The following PPP1R11 variants were observed in gnomAD, a reference collection of about 807,000 sequenced individuals.
PPP1R11 encodes the protein protein phosphatase 1 regulatory inhibitor subunit 11.
Under a neutral mutation model 11.3 loss-of-function variants are expected in PPP1R11, and 10 were observed. That is an observed-to-expected ratio of 0.88 (90% CI 0.55 to 1.50). The LOEUF (loss-of-function observed/expected upper bound fraction) is 1.50, where lower values mean the gene tolerates loss of function less well. PPP1R11 is among the 40% of genes most tolerant of loss of function. The pLI, the probability that PPP1R11 is intolerant of heterozygous loss-of-function variation, is 0.00. For missense variants in PPP1R11, 114 were observed against 179.1 expected (o/e 0.64, Z 2.07); for synonymous variants, 56 against 62.3 (o/e 0.90, Z 0.48).
upstream of PPP1R11, chr6:30,062,000 G>C (rs1246582804): frequency 6.2e-7 from 1 of 1,613,080 alleles, no homozygotes. The surrounding 1 kb of genome is among the most constrained non-coding windows in gnomAD (Gnocchi z 5.0). Context: ...GGAAGGGCCT[G>C]AGTGCCAGGG....
chr6:30,069,662 C>T lies in PPP1R11; in HGVS notation c.*356C>T, dbSNP rs1765785544. On this transcript the variant is annotated 3_prime_UTR_variant, in exon 3 of 3. Transcript: ENST00000376772. This position sits in a 1 kb window ranked among gnomAD's most constrained non-coding sequence, Gnocchi z 6.6. ...ACTTAAATTGGGTTTTCAACAGTCC[C>T]AGCTTTCACTGCCAGGGTCCCAGTC... 3.6e-6 allele frequency: 1 copy of T among 277,354 alleles called. No individual in the cohort carries two copies. Among genetic ancestry groups the T allele is most frequent in the Admixed American group, 5.3e-5 (1 of 18,956 alleles). 17.2% of individuals were successfully genotyped at this position (277,354 alleles called of 1,614,324 possible). A position where few individuals can be genotyped will look rare whatever the true frequency, so the allele number is the denominator to read the frequency against.
At chr6:30,061,792 C>T, upstream of PPP1R11, 1 of 1,558,788 alleles carries the variant, frequency 6.4e-7, no homozygotes, top group South Asian at 1.2e-5. This position sits in a 1 kb window ranked among gnomAD's most constrained non-coding sequence, Gnocchi z 5.0. Flanking sequence ...TACATTTGGT[C>T]TAGCGATGAA....
upstream of PPP1R11, among the ~76,000 whole-genome samples, chr6:30,066,086 C>G (rs187629177): frequency 1.9e-3 from 283 of 152,290 alleles, 5 homozygotes; most frequent in Non-Finnish European, 3.4e-4. Context: ...TTGAACTGTT[C>G]TGGCAGTTGA....
At chr6:30,062,025 A>C, upstream of PPP1R11, 1 of 1,611,574 alleles carries the variant, frequency 6.2e-7, no homozygotes, top group Non-Finnish European at 8.5e-7. Flanking sequence ...GTGGTAAGCT[A>C]ATGAGATCAA....
chr6:30,068,373 C>T, intron 1 of PPP1R11: 1 of 433,356 alleles, frequency 2.3e-6, no homozygotes. Context: ...TGTGTCTTCT[C>T]TTATACTGGT....
upstream of PPP1R11, chr6:30,064,559 C>T (rs1765358722): frequency 1.2e-5 from 11 of 898,880 alleles, no homozygotes; most frequent in Non-Finnish European, 1.8e-5. Context: ...GGAGCCAGTC[C>T]TCAATGATGT....
chr6:30,061,529 C>G, the PPP1R11 span: 1 of 1,613,056 alleles, frequency 6.2e-7, no homozygotes, highest in Non-Finnish European at 8.5e-7. The surrounding 1 kb of genome is among the most constrained non-coding windows in gnomAD (Gnocchi z 5.0). Context: ...GACCGCATGT[C>G]TGTCATGGAC....
upstream of PPP1R11, among the ~76,000 whole-genome samples, chr6:30,063,568 T>C (rs1150739): frequency 0.42 from 63,332 of 151,574 alleles, 13,270 homozygotes; most frequent in South Asian, 0.49. This position sits in a 1 kb window ranked among gnomAD's most constrained non-coding sequence, Gnocchi z 4.1. Flanking sequence ...TTCTATGTCT[T>C]ATAATTCTGA....
upstream of PPP1R11, chr6:30,067,116 G>A (rs1765595221): frequency 3.4e-5 from 14 of 409,724 alleles, no homozygotes; most frequent in South Asian, 7.6e-4. Flanking sequence ...GCGCTGTCAC[G>A]TTACGGCGGA....
At chr6:30,062,387 C>T (rs1338269615), upstream of PPP1R11, 3 of 1,263,446 alleles carry the variant, frequency 2.4e-6, no homozygotes, top group South Asian at 2.4e-5. Context: ...TAAACAAATC[C>T]AGTGATTTAT....
At chr6:30,063,920 C>G (rs1447727197), upstream of PPP1R11, among the ~76,000 whole-genome samples, 1 of 152,200 alleles carries the variant, frequency 6.6e-6, no homozygotes, top group African/African-American at 2.4e-5. This position sits in a 1 kb window ranked among gnomAD's most constrained non-coding sequence, Gnocchi z 4.1. Flanking sequence ...TTTCTACCTA[C>G]TGAGACAGTC....
In PPP1R11 at chr6:30,067,206, C is replaced by A. The variant is rs1201606059; in HGVS notation, c.-205C>A. 5 of 540,076 alleles carry A rather than the reference C, an allele frequency of 9.3e-6. No homozygotes were observed. Among genetic ancestry groups the A allele is most frequent in the Non-Finnish European group, 1.3e-5 (4 of 299,250 alleles). The allele number at this position is 540,076 out of a possible 1,614,324, so 33.5% of individuals were successfully genotyped here. A position where few individuals can be genotyped will look rare whatever the true frequency, so the allele number is the denominator to read the frequency against. ...GGGGGACTGCAGTATGCGTCACACC[C>A]GGAAGCGGCGAGCCGGAAGTGGGGT... On this transcript the variant is annotated 5_prime_UTR_variant, in exon 1 of 3. Transcript: ENST00000376772.
At chr6:30,062,071 AG>A, upstream of PPP1R11, 1 of 1,545,338 alleles carries the variant, frequency 6.5e-7, no homozygotes, top group Non-Finnish European at 8.9e-7. Flanking sequence ...AAAGAAATGG[AG>A]GAGTGATTGC....
the PPP1R11 span, chr6:30,061,294 T>C: frequency 2.2e-6 from 1 of 457,710 alleles, no homozygotes; most frequent in Admixed American, 3.8e-5. This position sits in a 1 kb window ranked among gnomAD's most constrained non-coding sequence, Gnocchi z 5.0. Flanking sequence ...ACGGAGTTGG[T>C]TAACTCCTCT....
chr6:30,065,638 C>T (rs1033226888), upstream of PPP1R11, among the ~76,000 whole-genome samples: 2 of 151,942 alleles, frequency 1.3e-5, no homozygotes, highest in African/African-American at 4.8e-5. The surrounding 1 kb of genome is among the most constrained non-coding windows in gnomAD (Gnocchi z 5.3). Context: ...AGGGTCAGCA[C>T]CCCTTACCCC....
upstream of PPP1R11, chr6:30,062,056 G>A: frequency 6.3e-7 from 1 of 1,586,286 alleles, no homozygotes; most frequent in Non-Finnish European, 8.7e-7. Flanking sequence ...CATAAGGTGG[G>A]TAGGAAAGAA....
chr6:30,062,073 G>A, upstream of PPP1R11: 1 of 1,537,284 alleles, frequency 6.5e-7, no homozygotes, highest in Non-Finnish European at 9.0e-7. Context: ...AGAAATGGAG[G>A]AGTGATTGCA....
At chr6:30,062,471 G>T, upstream of PPP1R11, 31 of 495,742 alleles carry the variant, frequency 6.3e-5, no homozygotes, top group South Asian at 3.1e-4. Context: ...AGGGAGATTT[G>T]TAGTTGTTTT....
In PPP1R11 at chr6:30,067,340, C is replaced by T. The variant is rs1765613651; in HGVS notation, c.-71C>T. On this transcript the variant is annotated 5_prime_UTR_variant, in exon 1 of 3. Coordinates refer to ENST00000376772, the MANE Select transcript of PPP1R11 (RefSeq NM_021959.3). Reference sequence around the variant, plus strand: ...TGAATCCGATACCGCTTCTCTTAGACCTCAGCGACAGAAAAAGGGAAGGGT... The same window carrying T: ...TGAATCCGATACCGCTTCTCTTAGATCTCAGCGACAGAAAAAGGGAAGGGT... The T allele has an allele frequency of 1.4e-6, 2 of 1,478,110 alleles. No homozygotes were observed. The highest frequency in any genetic ancestry group is 1.9e-6 in the Non-Finnish European group (2 of 1,059,696). The allele number at this position is 1,478,110 out of a possible 1,614,324, so 91.6% of individuals were successfully genotyped here. A position where few individuals can be genotyped will look rare whatever the true frequency, so the allele number is the denominator to read the frequency against.
Sources: gnomAD v4.1 joint callset for allele counts (sites outside exome capture counted in the v4.1 genomes callset) on GRCh38, gnomAD v4.1.1 for gene constraint, Gnocchi (gnomAD v3.1) non-coding constraint, MANE v1.5 for transcripts, NCBI Gene and HGNC (gene_info 2026-07-23, HGNC 2026-07-21) for gene names.